FBF1: variants seen among roughly 807,000 people sequenced by gnomAD.
The protein encoded by FBF1 is Fas binding factor 1, also known as fas-binding factor 1.
In FBF1, 119 loss-of-function variants were observed where a neutral mutation model predicts 147.2. The ratio of observed to expected loss-of-function variants is 0.81; its 90% CI spans 0.70 to 0.94. The LOEUF (loss-of-function observed/expected upper bound fraction) is 0.94. FBF1 is among the 40% of genes least tolerant of loss of function. The pLI, the probability that FBF1 is intolerant of heterozygous loss-of-function variation, is 0.00. For missense variants in FBF1, 1,449 were observed against 1,500.8 expected (o/e 0.97, Z 0.57); for synonymous variants, 601 against 609.0 (o/e 0.99, Z 0.19).
At chr17:75,940,206 G>T (rs1182214290) in intron 1 of FBF1, among the ~76,000 whole-genome samples, 2 of 151,190 alleles carry the variant, frequency 1.3e-5, no homozygotes, top group African/African-American at 4.9e-5. Flanking sequence ...CTCCCAAAGT[G>T]CTAGGATTAC....
chr17:75,913,242 G>A (rs890316861), intron 28 of FBF1, among the ~76,000 whole-genome samples: 1 of 149,494 alleles, frequency 6.7e-6, no homozygotes, highest in Admixed American at 6.7e-5. Context: ...TCCACTTCTC[G>A]GGTTCGAGTG....
rs1309192611 is a variant in FBF1 at position 75,923,954 on chromosome 17, TG to T, written c.969-314del. On this transcript the variant is annotated intron_variant, in intron 13 of 29. Coordinates refer to ENST00000636174, the MANE Select transcript of FBF1 (RefSeq NM_001319193.2). This position sits in a 1 kb window ranked among gnomAD's most constrained non-coding sequence, Gnocchi z 4.1. ...CAGGCCGAGCACGGTGGCTCATGTCTGTAATCCCAGATCTTTGGGAGGCCAG... is the reference window on the plus strand; with the variant it reads ...CAGGCCGAGCACGGTGGCTCATGTCTTAATCCCAGATCTTTGGGAGGCCAG... Among the ~76,000 whole-genome samples, 2 of 152,146 alleles carry T rather than the reference TG, an allele frequency of 1.3e-5. No individual in the cohort carries two copies. Among genetic ancestry groups the T allele is most frequent in the African/African-American group, 4.8e-5 (2 of 41,430 alleles).
At chr17:75,933,229 C>T (rs966979087) in intron 4 of FBF1, 141 bp from the exon 5 acceptor site, 8 of 567,126 alleles carry the variant, frequency 1.4e-5, no homozygotes, top group East Asian at 2.8e-5. Context: ...CCCAATGTCA[C>T]CCCTTGGAAA....
At chr17:75,938,555 CAAAAA>C (rs34602242) in intron 1 of FBF1, among the ~76,000 whole-genome samples, 31 of 58,872 alleles carry the variant, frequency 5.3e-4, no homozygotes, top group African/African-American at 9.1e-4. Context: ...GACTCCATCT[CAAAAA>C]AAAAAAAAAA....
At position 75,935,665 on chromosome 17, in the gene FBF1, CA is replaced by C. The variant is rs2065620064; in HGVS notation, c.39del (p.Ile13MetfsTer9). On this transcript the variant is annotated frameshift_variant, in exon 4 of 30. Transcript: ENST00000636174. LOFTEE classifies it high-confidence loss of function. ...CCTAGAAGGTCACCAAGAAAATCAT[CA>C]ATGGAGCCTGGAACAGAAAAGGGAC... ...PKTKKGCKGS[I>X]DDFLGDLLGD... is the part of the protein sequence containing the mutation. 1 of 1,536,868 alleles carries C rather than the reference CA, an allele frequency of 6.5e-7. No homozygotes were observed. Among genetic ancestry groups the C allele is most frequent in the Non-Finnish European group, 8.7e-7 (1 of 1,146,828 alleles).
At chr17:75,930,500 C>G (rs959587593) in intron 6 of FBF1, among the ~76,000 whole-genome samples, 3 of 152,248 alleles carry the variant, frequency 2.0e-5, no homozygotes, top group Admixed American at 6.5e-5. Flanking sequence ...TGGCTCACGC[C>G]TGTAATCCCA....
In FBF1 at chr17:75,914,798, CCGCTCGGCCTCG is replaced by C. The variant is rs577460839; in HGVS notation, c.2751_2762del (p.Glu918_Arg921del). ...CCCGCTGGGTGTCCACCTGCAATGC[CCGCTCGGCCTCG>C]CGCTCGGCCCGCTCCTTACTCAGCT... On this transcript the variant is annotated inframe_deletion, in exon 25 of 30. Transcript: ENST00000636174. 4.2e-4 allele frequency: 659 copies of C among 1,564,496 alleles called. No individual in the cohort carries two copies. Among genetic ancestry groups the C allele is most frequent in the Non-Finnish European group, 5.5e-4 (634 of 1,158,556 alleles).
intron 9 of FBF1, 113 bp downstream of exon 9, chr17:75,927,342 C>A (rs1598158754): frequency 1.2e-6 from 1 of 814,492 alleles, no homozygotes; most frequent in Non-Finnish European, 2.0e-6. Flanking sequence ...GGAAGTAAAC[C>A]AGTGGCACCC....
rs1267081669 is a variant in FBF1, at chr17:75,914,023, C to T, written c.3019G>A (p.Glu1007Lys). The change falls in exon 27 of 30, where the codon GAG (glutamate) becomes AAG (lysine). Residue 1007 changes from glutamate to lysine, a missense_variant. Glu to Lys is a moderately conservative substitution (Grantham distance 56). Transcript: ENST00000636174. ...TGCTGGGCCTCGCGCAATGCCCGCT[C>T]CCCCTCCTCGTACTTCTCGGAGGCC... ...KVASEKYEEG[E>K]RALREAQQVQ... The T allele has an allele frequency of 3.2e-6, 5 of 1,586,386 alleles. No homozygotes were observed. The South Asian group carries it at 5.7e-5, about 18-fold the overall frequency.
chr17:75,918,270 C>T lies in FBF1; in HGVS notation c.2139-1G>A. 6.2e-7 allele frequency: 1 copy of T among 1,611,646 alleles called. No homozygotes were observed. Among genetic ancestry groups the T allele is most frequent in the Non-Finnish European group, 8.5e-7 (1 of 1,178,710 alleles). ...TCTGCGCATGTCTAGGATGGACGCC[C>T]TGAGGGGAGGCGGGAGGGGAAGGCG... On this transcript the variant is annotated splice_acceptor_variant, in intron 20 of 29. Transcript: ENST00000636174. LOFTEE classifies it high-confidence loss of function. The surrounding 1 kb of genome is among the most constrained non-coding windows in gnomAD (Gnocchi z 5.8).
rs553115059 is a variant in FBF1 at position 75,925,260 on chromosome 17, G to A, written c.968+87C>T. On this transcript the variant is annotated intron_variant, in intron 13 of 29. Transcript: ENST00000636174. The surrounding 1 kb of genome is among the most constrained non-coding windows in gnomAD (Gnocchi z 5.0). ...CTGTGGCCTCCCACATGAGACTCTC[G>A]GGTGGGACAGGGGACAGCTGCAGGG... is the stretch of plus-strand genomic sequence containing the variant. 147 of 995,252 alleles carry A rather than the reference G, an allele frequency of 1.5e-4. No individual in the cohort carries two copies. Among genetic ancestry groups the A allele is most frequent in the Non-Finnish European group, 7.6e-5 (51 of 674,148 alleles). The allele number at this position is 995,252 out of a possible 1,614,324, so 61.7% of individuals were successfully genotyped here.
Position 75,909,746 on chromosome 17 carries a change from A to G in FBF1, c.*977T>C. ...GAGGCGCCTGGTCCTGACCAATCTT[A>G]TAGGCTGATCTTTTAATAAGAACAT... On this transcript the variant is annotated 3_prime_UTR_variant, in exon 30 of 30. Transcript: ENST00000636174. 1.6e-6 allele frequency: 1 copy of G among 616,918 alleles called. No individual in the cohort carries two copies. The highest frequency in any genetic ancestry group is 1.8e-5 in the South Asian group (1 of 54,068). The allele number at this position is 616,918 out of a possible 1,614,324, so 38.2% of individuals were successfully genotyped here.
Position 75,919,668 on chromosome 17 carries a change from C to T in FBF1, c.2138G>A (p.Arg713Gln), listed in dbSNP as rs765401211. 23 of 1,594,748 alleles carry T rather than the reference C, an allele frequency of 1.4e-5. No individual in the cohort carries two copies. The highest frequency in any genetic ancestry group is 3.7e-4 in the Middle Eastern group (2 of 5,364). The change falls in exon 20 of 30, where the codon CGG becomes CAG. Residue 713 changes from arginine (R) to glutamine (Q), a missense_variant and splice_region_variant. Physicochemically the swap from Arg to Gln is conservative, Grantham distance 43 (BLOSUM62 1). Coordinates refer to ENST00000636174, the MANE Select transcript of FBF1 (RefSeq NM_001319193.2). This position sits in a 1 kb window ranked among gnomAD's most constrained non-coding sequence, Gnocchi z 5.0. ...QEMERLRELQ[R>Q]ASILDMRRDH... ...CCAGCTGCCTGTCCCTGGGCCTCAC[C>T]GCTGCAGCTCCCGGAGCCGCTCCAT...
Position 75,910,780 on chromosome 17 carries a change from C to G in FBF1, c.3390G>C (p.Gln1130His), listed in dbSNP as rs373837956. The part of the protein sequence containing the change: ...EQDRDFLENE[Q>H]FFLETLKKGS... Reference sequence around the variant, plus strand: ...CTTTCTTCAGGGTCTCCAGGAAGAACTGTTCATTCTCCAAGAAGTCACGGT... The same window carrying G: ...CTTTCTTCAGGGTCTCCAGGAAGAAGTGTTCATTCTCCAAGAAGTCACGGT... The change falls in exon 30 of 30, where the codon CAG becomes CAC. Residue 1130 changes from glutamine (Q) to histidine (H), a missense_variant. Physicochemically the swap from Gln to His is conservative, Grantham distance 24 (BLOSUM62 0). Coordinates refer to ENST00000636174, the MANE Select transcript of FBF1 (RefSeq NM_001319193.2). The surrounding 1 kb of genome is among the most constrained non-coding windows in gnomAD (Gnocchi z 4.1). 4 of 1,611,126 alleles carry G rather than the reference C, an allele frequency of 2.5e-6. No individual in the cohort carries two copies. Among genetic ancestry groups the G allele is most frequent in the Admixed American group, 3.4e-5 (2 of 59,632 alleles).
rs772481196 is a variant in FBF1 at position 75,938,128 on chromosome 17, T to TA, written c.3+18dup. ...AGGCATGTTCGCTTTCCATGCATCT[T>TA]ACTCTGAACTCTGCCTACCATCTCA... On this transcript the variant is annotated intron_variant, in intron 2 of 29. Coordinates refer to ENST00000636174, the MANE Select transcript of FBF1 (RefSeq NM_001319193.2). 6 of 1,613,230 alleles carry TA rather than the reference T, an allele frequency of 3.7e-6. No homozygotes were observed. The highest frequency in any genetic ancestry group is 4.2e-6 in the Non-Finnish European group (5 of 1,179,728).
Position 75,922,001 on chromosome 17 carries a change from T to A in FBF1, c.1470A>T (p.Gly490=). ...STQGLEHAAA[G]GSSGTTARER... is the part of the protein sequence containing the mutation. ...CTCGTGCAGTTGTTCCAGAACTCCC[T>A]CCAGCAGCTGCGTGCTCAAGCCCTT... is the stretch of plus-strand genomic sequence containing the variant. The change falls in exon 15 of 30, where the codon GGA becomes GGT. Residue 490 remains glycine, a synonymous_variant. Transcript: ENST00000636174. The surrounding 1 kb of genome is among the most constrained non-coding windows in gnomAD (Gnocchi z 5.0). 1 of 1,551,714 alleles carries A rather than the reference T, an allele frequency of 6.4e-7. No homozygotes were observed. Among genetic ancestry groups the A allele is most frequent in the Non-Finnish European group, 8.7e-7 (1 of 1,147,010 alleles).
chr17:75,927,936 C>T (rs887289639), intron 8 of FBF1, 140 bp downstream of exon 8: 4 of 671,290 alleles, frequency 6.0e-6, no homozygotes, highest in Admixed American at 2.9e-5. Flanking sequence ...CGCACAAATG[C>T]TCCTTGGCCT....
chr17:75,929,908 T>C, intron 7 of FBF1, 89 bp downstream of exon 7: 2 of 1,163,692 alleles, frequency 1.7e-6, no homozygotes, highest in Admixed American at 4.0e-5. Context: ...AAGGGAGAAA[T>C]TAGAAGGAGA....
At position 75,919,951 on chromosome 17, in the gene FBF1, T is replaced by C. The variant is rs2065513700; in HGVS notation, c.1931+56A>G. ...TAAAGGCCTCTCCAGGCACACTGGG[T>C]GGCCTTTGGGGTCAGTGTGAGATCC... On this transcript the variant is annotated intron_variant, in intron 19 of 29. Coordinates refer to ENST00000636174, the MANE Select transcript of FBF1 (RefSeq NM_001319193.2). The surrounding 1 kb of genome is among the most constrained non-coding windows in gnomAD (Gnocchi z 5.0). 6.8e-6 allele frequency: 11 copies of C among 1,608,964 alleles called. No homozygotes were observed. In the East Asian group the frequency reaches 2.2e-4, roughly 33 times the overall value.
Sources: gnomAD v4.1 joint callset for allele counts (sites outside exome capture counted in the v4.1 genomes callset) on GRCh38, gnomAD v4.1.1 for gene constraint, Gnocchi (gnomAD v3.1) non-coding constraint, MANE v1.5 for transcripts, NCBI Gene and HGNC (gene_info 2026-07-23, HGNC 2026-07-21) for gene names.